The following BACH2 variants were observed in gnomAD, a reference collection of about 807,000 sequenced individuals.
BACH2 encodes transcription regulator protein BACH2.
BACH2 carries 5 observed loss-of-function variants against 61.8 expected under a neutral mutation model. That is an observed-to-expected ratio of 0.08 (90% CI 0.04 to 0.17). The LOEUF is 0.17. Ranked by LOEUF, BACH2 falls within the 10% of genes least tolerant of loss-of-function variation. BACH2 has a pLI of 1.00. For missense variants in BACH2, 824 were observed against 1,091.1 expected (o/e 0.76, Z 3.45); for synonymous variants, 446 against 440.1 (o/e 1.01, Z -0.17).
chr6:90,153,967 T>C (rs1479457093), intron 4 of BACH2, among the ~76,000 whole-genome samples: 2 of 152,216 alleles, frequency 1.3e-5, no homozygotes, highest in Admixed American at 1.3e-4. Flanking sequence ...CTTTTACGGC[T>C]TGGTTATAGA....
chr6:89,973,878 G>C (rs1562337115), intron 6 of BACH2, among the ~76,000 whole-genome samples: 1 of 151,914 alleles, frequency 6.6e-6, no homozygotes, highest in East Asian at 1.9e-4. Context: ...TAAAGTGAAA[G>C]AAAAATGATG....
At chr6:90,092,560 G>A (rs975391242) in intron 4 of BACH2, among the ~76,000 whole-genome samples, 1 of 151,886 alleles carries the variant, frequency 6.6e-6, no homozygotes, top group Admixed American at 6.6e-5. Flanking sequence ...ACAGGTTCTT[G>A]TGGGGATCAC....
chr6:90,206,014 T>C (rs537826336), intron 4 of BACH2, among the ~76,000 whole-genome samples: 1 of 152,316 alleles, frequency 6.6e-6, no homozygotes, highest in South Asian at 2.1e-4. Flanking sequence ...CTTGGAACTA[T>C]GTCTAAGGGA....
chr6:90,295,055 C>G (rs576369503), intron 1 of BACH2, among the ~76,000 whole-genome samples: 5 of 152,348 alleles, frequency 3.3e-5, no homozygotes, highest in Admixed American at 2.6e-4. Context: ...CAGCACTAGA[C>G]AGCGAAGGTG....
At chr6:90,176,538 T>C (rs953474229) in intron 4 of BACH2, among the ~76,000 whole-genome samples, 2 of 152,068 alleles carry the variant, frequency 1.3e-5, no homozygotes, top group African/African-American at 2.4e-5. Flanking sequence ...GCCTGCTAGA[T>C]AGATCTGCAG....
chr6:90,030,498 G>A (rs985156554), intron 5 of BACH2, among the ~76,000 whole-genome samples: 14 of 152,098 alleles, frequency 9.2e-5, no homozygotes, highest in South Asian at 2.1e-4. Flanking sequence ...TCAAATAGAC[G>A]CAATAAAAAA....
intron 1 of BACH2, among the ~76,000 whole-genome samples, chr6:90,295,803 A>G (rs546193596): frequency 2.6e-5 from 4 of 152,164 alleles, no homozygotes; most frequent in East Asian, 1.9e-4. Flanking sequence ...ATCTTTCGCT[A>G]GGAGAGATTC....
intron 5 of BACH2, among the ~76,000 whole-genome samples, chr6:90,044,981 T>C (rs897229592): frequency 3.9e-5 from 6 of 152,156 alleles, no homozygotes; most frequent in South Asian, 2.1e-4. Flanking sequence ...GCCATTAGTA[T>C]GCAGATGGTA....
intron 5 of BACH2, among the ~76,000 whole-genome samples, chr6:90,070,947 T>G (rs973281662): frequency 6.6e-6 from 1 of 152,212 alleles, no homozygotes; most frequent in Non-Finnish European, 1.5e-5. Context: ...CATAAAGCAC[T>G]CAAGTTTGTT....
At chr6:90,085,571 T>C (rs991873538) in intron 5 of BACH2, among the ~76,000 whole-genome samples, 1 of 152,212 alleles carries the variant, frequency 6.6e-6, no homozygotes, top group East Asian at 1.9e-4. Flanking sequence ...GCAAATTCCC[T>C]TGATGGCTTC....
At chr6:90,119,241 T>C (rs1345161340) in intron 4 of BACH2, among the ~76,000 whole-genome samples, 1 of 152,202 alleles carries the variant, frequency 6.6e-6, no homozygotes, top group Non-Finnish European at 1.5e-5. Flanking sequence ...CCCATGTGGC[T>C]ACATTTTAAA....
chr6:90,002,161 C>T (rs1035364659), intron 6 of BACH2, among the ~76,000 whole-genome samples: 5 of 152,170 alleles, frequency 3.3e-5, no homozygotes, highest in South Asian at 2.1e-4. Context: ...TGGCTTACCA[C>T]GCACTATGCT....
At position 90,059,739 on chromosome 6, in the gene BACH2, T is replaced by C. The variant is rs566075536; in HGVS notation, c.-13+29222A>G. Among the ~76,000 whole-genome samples, 13 of 152,038 alleles carry C rather than the reference T, an allele frequency of 8.6e-5. No individual in the cohort carries two copies. In the South Asian group the frequency reaches 2.5e-3, roughly 29 times the overall value. ...TGGTACCAACCCAAATGTCCAACAA[T>C]GATAGACTGGATTAAGAAAATGTGG... is the stretch of plus-strand genomic sequence containing the variant. On this transcript the variant is annotated intron_variant, in intron 5 of 8. Transcript: ENST00000257749.
rs989270532 is a variant in BACH2 at position 90,056,247 on chromosome 6, C to T, written c.-13+32714G>A. ...AACCCATCTCACGTGCAGAGACACA[C>T]ATAGGCTCCAAATAAAGGGATGGAG... On this transcript the variant is annotated intron_variant, in intron 5 of 8. Transcript: ENST00000257749. 5.6e-3 allele frequency among the ~76,000 whole-genome samples: 858 copies of T among 152,284 alleles called. 10 individuals are homozygous for T. Among genetic ancestry groups the T allele is most frequent in the African/African-American group, 0.019 (808 of 41,532 alleles).
At chr6:90,260,683 T>G (rs1771128760) in intron 2 of BACH2, among the ~76,000 whole-genome samples, 1 of 152,208 alleles carries the variant, frequency 6.6e-6, no homozygotes, top group Non-Finnish European at 1.5e-5. Context: ...AATATACACA[T>G]TTCGACCAAA....
chr6:90,242,281 T>C (rs918295961), intron 3 of BACH2, among the ~76,000 whole-genome samples: 6 of 152,180 alleles, frequency 3.9e-5, no homozygotes, highest in African/African-American at 1.2e-4. Context: ...CAACCACTGA[T>C]CTTTTTACTG....
chr6:90,008,226 C>T lies in BACH2; in HGVS notation c.243+376G>A, dbSNP rs1360157243. 4 of 187,024 alleles carry T rather than the reference C, an allele frequency of 2.1e-5. No homozygotes were observed. In the East Asian group the frequency reaches 5.5e-4, roughly 26 times the overall value. 11.6% of individuals were successfully genotyped at this position (187,024 alleles called of 1,614,324 possible). A position where few individuals can be genotyped will look rare whatever the true frequency, so the allele number is the denominator to read the frequency against. On this transcript the variant is annotated intron_variant, in intron 6 of 8. Transcript: ENST00000257749. This position sits in a 1 kb window ranked among gnomAD's most constrained non-coding sequence, Gnocchi z 4.1. ...TGCTGTGAATGCTTTCGATCTTTTA[C>T]TCTCAAGGGAAATCTAGTGATCCTT...
intron 4 of BACH2, among the ~76,000 whole-genome samples, chr6:90,167,396 C>T (rs1045919548): frequency 1.3e-5 from 2 of 151,920 alleles, no homozygotes; most frequent in African/African-American, 4.8e-5. Flanking sequence ...GCTCTTGTTG[C>T]CCAGGCTGGA....
intron 7 of BACH2, among the ~76,000 whole-genome samples, chr6:89,945,735 T>G (rs1324596355): frequency 6.6e-6 from 1 of 152,178 alleles, no homozygotes; most frequent in African/African-American, 2.4e-5. Flanking sequence ...AAAATAAACC[T>G]GTGCAAGATA....
Sources: allele counts gnomAD v4.1 joint callset (sites outside exome capture counted in the v4.1 genomes callset), GRCh38; gene constraint gnomAD v4.1.1; non-coding constraint Gnocchi (gnomAD v3.1); transcripts MANE v1.5; gene names NCBI Gene and HGNC (gene_info 2026-07-23, HGNC 2026-07-21).